Variants in CD109 observed in about 807,000 individuals in gnomAD.
The protein encoded by CD109 is CD109 antigen.
A neutral mutation model predicts 165.8 loss-of-function variants in CD109; 149 were observed. The observed-to-expected ratio is 0.90, with a 90% CI of 0.79 to 1.03. The LOEUF is 1.03. Ranked by LOEUF, CD109 falls within the 50% of genes least tolerant of loss-of-function variation. The pLI, the probability that CD109 is intolerant of heterozygous loss-of-function variation, is 0.00. For missense variants in CD109, 1,712 were observed against 1,677.8 expected (o/e 1.02, Z -0.36); for synonymous variants, 585 against 592.1 (o/e 0.99, Z 0.18).
At position 73,787,291 on chromosome 6, in the gene CD109, A is replaced by G; in HGVS notation, c.2395A>G (p.Ile799Val). 1.2e-6 allele frequency: 2 copies of G among 1,614,070 alleles called. No individual in the cohort carries two copies. Among genetic ancestry groups the G allele is most frequent in the Non-Finnish European group, 1.7e-6 (2 of 1,179,958 alleles). The change falls in exon 21 of 33, where the codon ATA (isoleucine) becomes GTA (valine). Residue 799 changes from isoleucine (I) to valine (V), a missense_variant. Physicochemically the swap from Ile to Val is conservative, Grantham distance 29. Coordinates refer to ENST00000287097, the MANE Select transcript of CD109 (RefSeq NM_133493.5). ...TGATATTCTAATGACTTCAAATGAA[A>G]TAAATGCCACAGGCCACCAGCAGAC... is the stretch of plus-strand genomic sequence containing the variant. ...KFDILMTSNE[I>V]NATGHQQTLL...
intron 2 of CD109, among the ~76,000 whole-genome samples, chr6:73,703,818 C>T (rs776208307): frequency 6.6e-6 from 1 of 152,150 alleles, no homozygotes; most frequent in Non-Finnish European, 1.5e-5. Context: ...AATTCTGTTG[C>T]TTTGTTTCTC....
the CD109 span, among the ~76,000 whole-genome samples, chr6:73,689,423 G>A: frequency 9.2e-5 from 14 of 152,336 alleles, no homozygotes; most frequent in East Asian, 3.9e-4. Flanking sequence ...GCTCAGCTGA[G>A]TCTGCTGTAG....
intron 30 of CD109, among the ~76,000 whole-genome samples, chr6:73,816,781 C>A (rs1775952300): frequency 6.6e-6 from 1 of 152,076 alleles, no homozygotes; most frequent in Middle Eastern, 3.2e-3. Flanking sequence ...AAGAAGAAGA[C>A]CCTCATGGAG....
At position 73,697,531 on chromosome 6, in the gene CD109, T is replaced by TTTAGAAAAAGTATTTCTGCTA; in HGVS notation, c.206_207insTTAGAAAAAGTATTTCTGCTA (p.Leu69_Thr70insTer). 6.2e-7 allele frequency: 1 copy of TTTAGAAAAAGTATTTCTGCTA among 1,614,070 alleles called. No individual in the cohort carries two copies. The highest frequency in any genetic ancestry group is 8.5e-7 in the Non-Finnish European group (1 of 1,179,972). On this transcript the variant is annotated stop_gained and inframe_insertion, in exon 2 of 33. Coordinates refer to ENST00000287097, the MANE Select transcript of CD109 (RefSeq NM_133493.5). LOFTEE classifies it high-confidence loss of function. ...GAGCTGCTCAAGACAGCATCAAACC[T>TTTAGAAAAAGTATTTCTGCTA]CACTGTCTCTGTCCTGGAAGCAGAA... is the stretch of plus-strand genomic sequence containing the variant.
At chr6:73,823,240 G>C (rs1204594476) in intron 32 of CD109, among the ~76,000 whole-genome samples, 1 of 152,244 alleles carries the variant, frequency 6.6e-6, no homozygotes, top group East Asian at 1.9e-4. Context: ...CCAACTGCTG[G>C]TGGTAGACAG....
At chr6:73,692,099 C>A (rs1770700984), upstream of CD109, among the ~76,000 whole-genome samples, 1 of 152,072 alleles carries the variant, frequency 6.6e-6, no homozygotes, top group African/African-American at 2.4e-5. Flanking sequence ...TTCACTATCG[C>A]AAGAACAGCA....
chr6:73,723,135 T>C, intron 2 of CD109, 116 bp from the exon 3 acceptor site: 21 of 1,565,788 alleles, frequency 1.3e-5, no homozygotes, highest in Non-Finnish European at 1.7e-5. Context: ...TTTCACCAAA[T>C]GTATTTATGA....
At chr6:73,753,990 G>A (rs1242026708) in intron 5 of CD109, among the ~76,000 whole-genome samples, 1 of 152,190 alleles carries the variant, frequency 6.6e-6, no homozygotes, top group Non-Finnish European at 1.5e-5. Flanking sequence ...TCTTACAGGA[G>A]ATGGACACAA....
Position 73,749,089 on chromosome 6 carries a change from G to A in CD109, c.634-7554G>A, listed in dbSNP as rs73458392. On this transcript the variant is annotated intron_variant, in intron 5 of 32. Transcript: ENST00000287097. ...AAAGCTAAAAATATGAAGCTTTTGT[G>A]TTGTATGCGAGGGTGGGAAGAAACA... is the stretch of plus-strand genomic sequence containing the variant. Among the ~76,000 whole-genome samples the A allele has an allele frequency of 6.6e-3, 999 of 152,288 alleles. 16 individuals carry two copies. The highest frequency in any genetic ancestry group is 0.022 in the African/African-American group (934 of 41,556).
Position 73,782,606 on chromosome 6 carries a change from A to G in CD109, c.1964-8A>G. The G allele has an allele frequency of 6.2e-7, 1 of 1,610,028 alleles. No homozygotes were observed. Among genetic ancestry groups the G allele is most frequent in the Non-Finnish European group, 8.5e-7 (1 of 1,177,188 alleles). ...GTTTTTCTAACTACTGTCAATGTTT[A>G]TTTATAGATGACAATGCAGAATATG... On this transcript the variant is annotated splice_region_variant and splice_polypyrimidine_tract_variant and intron_variant, in intron 17 of 32. Transcript: ENST00000287097.
the CD109 span, among the ~76,000 whole-genome samples, chr6:73,690,673 T>C: frequency 1.2e-4 from 19 of 152,370 alleles, no homozygotes; most frequent in African/African-American, 4.6e-4. Flanking sequence ...GTGCTGGGAT[T>C]ACAGGCGTGA....
At chr6:73,781,795 A>G (rs1774514284) in intron 17 of CD109, among the ~76,000 whole-genome samples, 2 of 132,236 alleles carry the variant, frequency 1.5e-5, no homozygotes, top group Admixed American at 7.5e-5. Flanking sequence ...ACACACACAC[A>G]GAGACATAGA....
At chr6:73,722,672 T>C (rs1428594902) in intron 2 of CD109, among the ~76,000 whole-genome samples, 1 of 152,246 alleles carries the variant, frequency 6.6e-6, no homozygotes, top group Non-Finnish European at 1.5e-5. Context: ...ACAAGTTCTC[T>C]TTTATTTTTA....
In CD109 at chr6:73,826,353, G is replaced by A. The variant is rs1178527348; in HGVS notation, c.*2720G>A. On this transcript the variant is annotated 3_prime_UTR_variant, in exon 33 of 33. Transcript: ENST00000287097. The stretch of plus-strand genomic sequence containing the variant: ...CTCTTCCATTTAGAATACTGTCAAT[G>A]TCATTTACTGGTATGAACTAAAGTC... 1 of 152,146 alleles carries A rather than the reference G, an allele frequency of 6.6e-6. No homozygotes were observed. The highest frequency in any genetic ancestry group is 2.4e-5 in the African/African-American group (1 of 41,422). 9.4% of individuals were successfully genotyped at this position (152,146 alleles called of 1,614,324 possible). A position where few individuals can be genotyped will look rare whatever the true frequency, so the allele number is the denominator to read the frequency against.
chr6:73,778,305 G>A (rs1303897495), intron 15 of CD109, among the ~76,000 whole-genome samples: 1 of 152,162 alleles, frequency 6.6e-6, no homozygotes, highest in Admixed American at 6.5e-5. Context: ...TGAGACTATG[G>A]GGTTTTCTAG....
At chr6:73,766,539 A>G (rs987263093) in intron 11 of CD109, among the ~76,000 whole-genome samples, 31 of 148,908 alleles carry the variant, frequency 2.1e-4, no homozygotes, top group African/African-American at 5.6e-4. Flanking sequence ...GTGTGTGTAT[A>G]TATATATATA....
intron 2 of CD109, among the ~76,000 whole-genome samples, chr6:73,709,177 A>G (rs560832893): frequency 1.3e-5 from 2 of 152,214 alleles, no homozygotes; most frequent in African/African-American, 2.4e-5. Context: ...TAATTTTTGT[A>G]TAAGGTGTAA....
At position 73,697,626 on chromosome 6, in the gene CD109, T is replaced by C. The variant is rs1770900805; in HGVS notation, c.247+54T>C. Reference sequence around the variant, plus strand: ...TTCTGCAGTAATAACTGGAATATGTTAATAAGGTCATGTGTTAGGTAGTAT... The same window carrying C: ...TTCTGCAGTAATAACTGGAATATGTCAATAAGGTCATGTGTTAGGTAGTAT... On this transcript the variant is annotated intron_variant, in intron 2 of 32. Coordinates refer to ENST00000287097, the MANE Select transcript of CD109 (RefSeq NM_133493.5). The C allele has an allele frequency of 1.6e-5, 25 of 1,515,670 alleles. No individual in the cohort carries two copies. In the South Asian group the frequency reaches 2.8e-4, roughly 17 times the overall value. The allele number at this position is 1,515,670 out of a possible 1,614,324, so 93.9% of individuals were successfully genotyped here.
upstream of CD109, among the ~76,000 whole-genome samples, chr6:73,692,805 T>C (rs575200194): frequency 6.6e-6 from 1 of 152,312 alleles, no homozygotes; most frequent in South Asian, 2.1e-4. Context: ...TTCCCCTACA[T>C]ATGCTCTCTT....
Sources: gnomAD v4.1 joint callset for allele counts (sites outside exome capture counted in the v4.1 genomes callset) on GRCh38, gnomAD v4.1.1 for gene constraint, MANE v1.5 for transcripts, NCBI Gene and HGNC (gene_info 2026-07-23, HGNC 2026-07-21) for gene names.